RGS7BP: variants seen among roughly 807,000 people sequenced by gnomAD.
The protein encoded by RGS7BP is regulator of G protein signaling 7 binding protein, also known as regulator of G protein signaling 7-binding protein.
A neutral mutation model predicts 31.3 loss-of-function variants in RGS7BP; 9 were observed. That is an observed-to-expected ratio of 0.29 (90% CI 0.17 to 0.50). The LOEUF (loss-of-function observed/expected upper bound fraction) is 0.50. RGS7BP is among the 20% of genes least tolerant of loss of function. RGS7BP has a pLI of 0.98. For synonymous variants in RGS7BP, 115 were observed against 120.1 expected (o/e 0.96, Z 0.28); for missense variants, 274 against 322.0 (o/e 0.85, Z 1.14).
chr5:64,529,667 T>A (rs1749322783), intron 2 of RGS7BP, among the ~76,000 whole-genome samples: 1 of 152,194 alleles, frequency 6.6e-6, no homozygotes, highest in Non-Finnish European at 1.5e-5. Flanking sequence ...GTGTTTCTGA[T>A]ATGCAGACAA....
At position 64,589,111 on chromosome 5, in the gene RGS7BP, C is replaced by T. The variant is rs538463096; in HGVS notation, c.464-5599C>T. On this transcript the variant is annotated intron_variant, in intron 3 of 5. Coordinates refer to ENST00000334025, the MANE Select transcript of RGS7BP (RefSeq NM_001029875.3). ...AGGAGTTCAGACCAGCATGGCCAAC[C>T]TGGCCAAATCATGTTTCTACTAAAA... 1.3e-4 allele frequency among the ~76,000 whole-genome samples: 20 copies of T among 151,768 alleles called. No individual in the cohort carries two copies. In the East Asian group the frequency reaches 3.9e-3, roughly 30 times the overall value.
At chr5:64,553,730 G>T (rs1012830615) in intron 2 of RGS7BP, among the ~76,000 whole-genome samples, 8 of 152,028 alleles carry the variant, frequency 5.3e-5, no homozygotes, top group African/African-American at 1.9e-4. Flanking sequence ...GTCTGTGTAA[G>T]ATTGAGTGAG....
At chr5:64,571,090 C>T (rs1561338848) in intron 2 of RGS7BP, among the ~76,000 whole-genome samples, 1 of 152,066 alleles carries the variant, frequency 6.6e-6, no homozygotes, top group Non-Finnish European at 1.5e-5. Flanking sequence ...ACTTATGCCC[C>T]TTCTCAGTCA....
chr5:64,559,857 G>T (rs1190861185), intron 2 of RGS7BP, among the ~76,000 whole-genome samples: 1 of 152,030 alleles, frequency 6.6e-6, no homozygotes, highest in Non-Finnish European at 1.5e-5. Flanking sequence ...ATACATGTGG[G>T]ATTTTAAAAA....
chr5:64,546,076 C>G (rs1185830295), intron 2 of RGS7BP, among the ~76,000 whole-genome samples: 2 of 152,112 alleles, frequency 1.3e-5, no homozygotes, highest in Non-Finnish European at 2.9e-5. Context: ...ATTGTTTGAA[C>G]CCTGGAGGGC....
chr5:64,586,795 G>C (rs1467024317), intron 3 of RGS7BP, among the ~76,000 whole-genome samples: 3 of 152,186 alleles, frequency 2.0e-5, no homozygotes, highest in African/African-American at 7.2e-5. Context: ...AAAACAAAGA[G>C]AGTATAATTA....
At chr5:64,596,726 T>C (rs1743079803) in intron 4 of RGS7BP, among the ~76,000 whole-genome samples, 1 of 152,190 alleles carries the variant, frequency 6.6e-6, no homozygotes, top group African/African-American at 2.4e-5. Flanking sequence ...ACAGGTATAT[T>C]TCCGCAGATC....
chr5:64,546,558 G>T (rs566974132), intron 2 of RGS7BP, among the ~76,000 whole-genome samples: 35 of 152,308 alleles, frequency 2.3e-4, no homozygotes, highest in African/African-American at 8.2e-4. Flanking sequence ...GAAGAGGACA[G>T]TGGTTGAAAC....
chr5:64,580,621 T>G (rs1326224691), intron 3 of RGS7BP, among the ~76,000 whole-genome samples: 1 of 151,486 alleles, frequency 6.6e-6, no homozygotes, highest in Non-Finnish European at 1.5e-5. Flanking sequence ...TTATTTAATT[T>G]TATATGTCAT....
chr5:64,557,551 A>C (rs565516355), intron 2 of RGS7BP, among the ~76,000 whole-genome samples: 1 of 152,236 alleles, frequency 6.6e-6, no homozygotes, highest in East Asian at 1.9e-4. Context: ...TCCTTCAAGC[A>C]CTTTTTATCA....
At chr5:64,572,382 G>C (rs1046222702) in intron 2 of RGS7BP, among the ~76,000 whole-genome samples, 2 of 152,022 alleles carry the variant, frequency 1.3e-5, no homozygotes, top group Non-Finnish European at 2.9e-5. Flanking sequence ...TTGACAACTT[G>C]CATTTCAATG....
intron 1 of RGS7BP, 32 bp from the exon 2 acceptor site, chr5:64,507,679 G>C: frequency 6.5e-7 from 1 of 1,528,108 alleles, no homozygotes; most frequent in Admixed American, 2.0e-5. Context: ...AGAAATGTTT[G>C]GTAAAAAAAA....
rs201578757 is a variant in RGS7BP, at chr5:64,575,926, G to A, written c.463+22G>A. The A allele has an allele frequency of 1.2e-4, 184 of 1,596,912 alleles. No homozygotes were observed. In the South Asian group the frequency reaches 1.4e-3, roughly 13 times the overall value. ...AAAGGTATCTACATTTAATATTGCC[G>A]GAAACACTGAGGAATGTTGAACAAA... On this transcript the variant is annotated intron_variant, in intron 3 of 5. Coordinates refer to ENST00000334025, the MANE Select transcript of RGS7BP (RefSeq NM_001029875.3).
chr5:64,598,295 T>C (rs993031777), intron 4 of RGS7BP, 70 bp from the exon 5 acceptor site: 7 of 885,796 alleles, frequency 7.9e-6, no homozygotes, highest in Non-Finnish European at 1.2e-5. Flanking sequence ...TTGTCTCATA[T>C]AACAGATTGT....
intron 3 of RGS7BP, among the ~76,000 whole-genome samples, chr5:64,579,274 G>A (rs940787023): frequency 3.9e-5 from 6 of 152,020 alleles, no homozygotes; most frequent in African/African-American, 7.3e-5. Context: ...GGCTGGGCAC[G>A]ATGGCTCATG....
chr5:64,517,962 GA>G (rs1248632634), intron 2 of RGS7BP, among the ~76,000 whole-genome samples: 3 of 152,014 alleles, frequency 2.0e-5, no homozygotes, highest in Non-Finnish European at 4.4e-5. Flanking sequence ...TTTCATCAAG[GA>G]GTTAAAATCT....
At chr5:64,586,630 G>C (rs1025161052) in intron 3 of RGS7BP, among the ~76,000 whole-genome samples, 6 of 152,202 alleles carry the variant, frequency 3.9e-5, no homozygotes, top group Admixed American at 1.3e-4. Flanking sequence ...GTGGTTGCCT[G>C]GTTTCTTACC....
intron 3 of RGS7BP, among the ~76,000 whole-genome samples, chr5:64,589,150 T>C (rs1206533391): frequency 2.6e-5 from 4 of 151,440 alleles, no homozygotes; most frequent in Non-Finnish European, 5.9e-5. Flanking sequence ...CAAAAAAAAT[T>C]CCGGGCATGG....
intron 2 of RGS7BP, among the ~76,000 whole-genome samples, chr5:64,570,766 C>T (rs1033031982): frequency 6.6e-6 from 1 of 152,138 alleles, no homozygotes; most frequent in African/African-American, 2.4e-5. Context: ...TAAATACCCA[C>T]TCCCTAGATT....
Sources: gnomAD v4.1 joint callset for allele counts (sites outside exome capture counted in the v4.1 genomes callset) on GRCh38, gnomAD v4.1.1 for gene constraint, MANE v1.5 for transcripts, NCBI Gene and HGNC (gene_info 2026-07-23, HGNC 2026-07-21) for gene names.